Variants in DUSP8 observed in about 807,000 individuals in gnomAD.
DUSP8 encodes dual specificity phosphatase 8, also known as dual specificity protein phosphatase 8.
Under a neutral mutation model 38.7 loss-of-function variants are expected in DUSP8, and 15 were observed. That is an observed-to-expected ratio of 0.39 (90% CI 0.26 to 0.60). The LOEUF is 0.60. Among genes scored for constraint, DUSP8 ranks in the 20% least tolerant of loss-of-function variants. DUSP8 has a pLI of 0.56. For missense variants in DUSP8, 768 were observed against 915.0 expected (o/e 0.84, Z 2.07); for synonymous variants, 458 against 433.9 (o/e 1.06, Z -0.69).
rs909398867 is a variant in DUSP8, at chr11:1,554,598, C to T, written c.*1920G>A. The T allele has an allele frequency of 1.2e-5, 12 of 982,448 alleles. No homozygotes were observed. The African/African-American group carries it at 1.9e-4, about 16-fold the overall frequency. 60.9% of individuals were successfully genotyped at this position (982,448 alleles called of 1,614,324 possible). A position where few individuals can be genotyped will look rare whatever the true frequency, so the allele number is the denominator to read the frequency against. The stretch of plus-strand genomic sequence containing the variant: ...GGGAGCAGAGACAGACTGAGACAGA[C>T]AGCCCCCCTCAACGGCCTGCAGAAG... On this transcript the variant is annotated 3_prime_UTR_variant, in exon 7 of 7. Transcript: ENST00000397374.
rs1220827471 is a variant in DUSP8, at chr11:1,554,236, A to C, written c.*2282T>G. 1 of 152,440 alleles carries C rather than the reference A, an allele frequency of 6.6e-6. No homozygotes were observed. The highest frequency in any genetic ancestry group is 1.5e-5 in the Non-Finnish European group (1 of 68,170). 9.4% of individuals were successfully genotyped at this position (152,440 alleles called of 1,614,324 possible). Reference sequence around the variant, plus strand: ...CCTCTCCTCCGCTGGACTTCCCAGCAAATAACAGGAGGGGCCGGGTCCATT... The same window carrying C: ...CCTCTCCTCCGCTGGACTTCCCAGCCAATAACAGGAGGGGCCGGGTCCATT... On this transcript the variant is annotated 3_prime_UTR_variant, in exon 7 of 7. Transcript: ENST00000397374.
At chr11:1,569,682 C>T (rs1452514222) in intron 1 of DUSP8, among the ~76,000 whole-genome samples, 2 of 152,122 alleles carry the variant, frequency 1.3e-5, no homozygotes, top group African/African-American at 2.4e-5. Flanking sequence ...CCAGGCCACC[C>T]CCAGCTCTCA....
intron 2 of DUSP8, 150 bp downstream of exon 2, chr11:1,565,446 A>T (rs1848786434): frequency 1.5e-6 from 1 of 663,900 alleles, no homozygotes; most frequent in Non-Finnish European, 2.6e-6. Context: ...GGCAAGTGCC[A>T]GGGAGGACTG....
chr11:1,559,919 T>G (rs1414494038), intron 3 of DUSP8, among the ~76,000 whole-genome samples: 1 of 152,188 alleles, frequency 6.6e-6, no homozygotes, highest in African/African-American at 2.4e-5. Flanking sequence ...GTGCACACCA[T>G]GGCTCTGGTC....
intron 3 of DUSP8, among the ~76,000 whole-genome samples, chr11:1,560,634 G>A (rs1324421592): frequency 2.0e-5 from 3 of 152,224 alleles, no homozygotes; most frequent in South Asian, 4.1e-4. Context: ...CACCAACGAC[G>A]CCCCAGCTTG....
In DUSP8 at chr11:1,557,425, G is replaced by A. The variant is rs1261771247; in HGVS notation, c.971C>T (p.Ala324Val). Residue 324 changes from alanine (A) to valine (V), a missense_variant, in exon 7 of 7, where the codon GCC (alanine) becomes GTC (valine). This residue lies in a region of DUSP8 where 474 missense variants were observed against 430.8 expected (regional missense o/e 1.10). Coordinates refer to ENST00000397374, the MANE Select transcript of DUSP8 (RefSeq NM_004420.3). This position sits in a 1 kb window ranked among gnomAD's most constrained non-coding sequence, Gnocchi z 9.9. ...CAGCCGTGGCAGCGGGGCCCCGGCGGCAGGACTGGGCGGAGGCTCCGGCGT... is the reference window on the plus strand; with the variant it reads ...CAGCCGTGGCAGCGGGGCCCCGGCGACAGGACTGGGCGGAGGCTCCGGCGT... ...SGTPEPPPSP[A>V]AGAPLPRLPP... The A allele has an allele frequency of 6.4e-7, 1 of 1,559,952 alleles. No individual in the cohort carries two copies. Among genetic ancestry groups the A allele is most frequent in the East Asian group, 2.4e-5 (1 of 42,234 alleles).
chr11:1,555,054 G>C lies in DUSP8; in HGVS notation c.*1464C>G. On this transcript the variant is annotated 3_prime_UTR_variant, in exon 7 of 7. Transcript: ENST00000397374. ...GCCCTGCTCCAGGACTCAGGACTGG[G>C]TCCTGCCCTGGGCTGCCTCTCCGGC... The C allele has an allele frequency of 1.0e-6, 1 of 986,450 alleles. No homozygotes were observed. Among genetic ancestry groups the C allele is most frequent in the Non-Finnish European group, 1.2e-6 (1 of 830,086 alleles). 61.1% of individuals were successfully genotyped at this position (986,450 alleles called of 1,614,324 possible).
Position 1,557,597 on chromosome 11 carries a change from C to T in DUSP8, c.822-23G>A. On this transcript the variant is annotated intron_variant, in intron 6 of 6. Transcript: ENST00000397374. The surrounding 1 kb of genome is among the most constrained non-coding windows in gnomAD (Gnocchi z 9.9). ...AACCTGCGGGGGAGGAGGCTCAGTC[C>T]CAGGCGCCCGCCGGGGCCAGGCTGC... 6.6e-7 allele frequency: 1 copy of T among 1,509,026 alleles called. No individual in the cohort carries two copies. The highest frequency in any genetic ancestry group is 8.8e-7 in the Non-Finnish European group (1 of 1,135,310). The allele number at this position is 1,509,026 out of a possible 1,614,324, so 93.5% of individuals were successfully genotyped here.
At position 1,557,755 on chromosome 11, in the gene DUSP8, C is replaced by T. The variant is rs1258325818; in HGVS notation, c.821+39G>A. 17 of 1,610,684 alleles carry T rather than the reference C, an allele frequency of 1.1e-5. No individual in the cohort carries two copies. Among genetic ancestry groups the T allele is most frequent in the Admixed American group, 1.7e-5 (1 of 59,946 alleles). Reference sequence around the variant, plus strand: ...TGGGCAGCCGGGGGAAGGGAAGCGACGCTGTGAGCCACAAGTGCGCGACTG... The same window carrying T: ...TGGGCAGCCGGGGGAAGGGAAGCGATGCTGTGAGCCACAAGTGCGCGACTG... On this transcript the variant is annotated intron_variant, in intron 6 of 6. Coordinates refer to ENST00000397374, the MANE Select transcript of DUSP8 (RefSeq NM_004420.3). This position sits in a 1 kb window ranked among gnomAD's most constrained non-coding sequence, Gnocchi z 9.9.
Position 1,557,647 on chromosome 11 carries a change from C to A in DUSP8, c.822-73G>T. 6.6e-7 allele frequency: 1 copy of A among 1,525,562 alleles called. No homozygotes were observed. Among genetic ancestry groups the A allele is most frequent in the Non-Finnish European group, 8.8e-7 (1 of 1,137,788 alleles). 94.5% of individuals were successfully genotyped at this position (1,525,562 alleles called of 1,614,324 possible). On this transcript the variant is annotated intron_variant, in intron 6 of 6. Transcript: ENST00000397374. This position sits in a 1 kb window ranked among gnomAD's most constrained non-coding sequence, Gnocchi z 9.9. ...CCCACCTGACGCACCCGCTGGGCAC[C>A]CACGAGCTCATGTGCGCCAGGCTGG...
At position 1,556,766 on chromosome 11, in the gene DUSP8, G is replaced by A. The variant is rs1218723399; in HGVS notation, c.1630C>T (p.Arg544Trp). 2.5e-6 allele frequency: 3 copies of A among 1,195,170 alleles called. No individual in the cohort carries two copies. The highest frequency in any genetic ancestry group is 3.1e-6 in the Non-Finnish European group (3 of 964,786). 74.0% of individuals were successfully genotyped at this position (1,195,170 alleles called of 1,614,324 possible). ...CCGCCTGGTCCCGGGGCGCCCGCCC[G>A]GCCGAAGGGCGCAAACAGCACCCCG... ...AGGVLFAPFG[R>W]AGAPGPGGGS... Residue 544 changes from arginine (R) to tryptophan (W), a missense_variant, in exon 7 of 7, where the codon CGG becomes TGG. Transcript: ENST00000397374. The surrounding 1 kb of genome is among the most constrained non-coding windows in gnomAD (Gnocchi z 5.2).
At position 1,558,900 on chromosome 11, in the gene DUSP8, C is replaced by T. The variant is rs1848676084; in HGVS notation, c.526G>A (p.Val176Ile). The change falls in exon 4 of 7, where the codon GTC (valine) becomes ATC (isoleucine). Residue 176 changes from valine to isoleucine, a missense_variant. This residue lies in a region of DUSP8 where 252 missense variants were observed against 410.4 expected (regional missense o/e 0.61). Transcript: ENST00000397374. The surrounding 1 kb of genome is among the most constrained non-coding windows in gnomAD (Gnocchi z 6.3). ...CACTGCACACACACCTTGTTTAGGACGTCCTTCTGCGAGCCCAGGTAGAGG... is the reference window on the plus strand; with the variant it reads ...CACTGCACACACACCTTGTTTAGGATGTCCTTCTGCGAGCCCAGGTAGAGG... ...PHLYLGSQKDVLNKDLMTQNG... is the reference protein window; with the variant it reads ...PHLYLGSQKDILNKDLMTQNG... The T allele has an allele frequency of 1.2e-6, 2 of 1,610,110 alleles. No homozygotes were observed. The highest frequency in any genetic ancestry group is 8.5e-7 in the Non-Finnish European group (1 of 1,177,742).
intron 1 of DUSP8, among the ~76,000 whole-genome samples, chr11:1,568,350 C>G (rs1396557849): frequency 6.6e-6 from 1 of 150,692 alleles, no homozygotes; most frequent in Non-Finnish European, 1.5e-5. Context: ...GAGGGCAAGT[C>G]CAGCTGCAGG....
In DUSP8 at chr11:1,566,610, GGTTTAGTGTGCGCCAC is replaced by G. The variant is rs527237669; in HGVS notation, c.-108-692_-108-677del. Among the ~76,000 whole-genome samples, 32 of 152,340 alleles carry G rather than the reference GGTTTAGTGTGCGCCAC, an allele frequency of 2.1e-4. No individual in the cohort carries two copies. The East Asian group carries it at 6.0e-3, about 28-fold the overall frequency. ...GCTGCCCTCCTGACCTGCAGGCTGA[GGTTTAGTGTGCGCCAC>G]GTGCCTGCTGGGGGTGAGTGCCCAG... On this transcript the variant is annotated intron_variant, in intron 1 of 6. Transcript: ENST00000397374.
In DUSP8 at chr11:1,557,737, C is replaced by T; in HGVS notation, c.821+57G>A. 1 of 1,607,342 alleles carries T rather than the reference C, an allele frequency of 6.2e-7. No homozygotes were observed. Among genetic ancestry groups the T allele is most frequent in the Non-Finnish European group, 8.5e-7 (1 of 1,177,280 alleles). ...GGGTCATTCTGGTGCAAGTGGGCAG[C>T]CGGGGGAAGGGAAGCGACGCTGTGA... On this transcript the variant is annotated intron_variant, in intron 6 of 6. Coordinates refer to ENST00000397374, the MANE Select transcript of DUSP8 (RefSeq NM_004420.3). This position sits in a 1 kb window ranked among gnomAD's most constrained non-coding sequence, Gnocchi z 9.9.
chr11:1,562,691 G>GCACACACATGCA (rs1554938472), intron 3 of DUSP8, among the ~76,000 whole-genome samples: 4 of 150,856 alleles, frequency 2.7e-5, no homozygotes, highest in African/African-American at 7.4e-5. Flanking sequence ...GCATGCACAT[G>GCACACACATGCA]CACACACACA....
intron 1 of DUSP8, 58 bp downstream of exon 1, chr11:1,571,843 C>T (rs918064382): frequency 1.0e-4 from 15 of 147,630 alleles, no homozygotes; most frequent in African/African-American, 3.7e-4. Flanking sequence ...CCCCCCGGCC[C>T]GGGCCGGTGA....
In DUSP8 at chr11:1,557,023, CG is replaced by C; in HGVS notation, c.1372del (p.Arg458GlyfsTer17). 1 of 1,039,688 alleles carries C rather than the reference CG, an allele frequency of 9.6e-7. No homozygotes were observed. The highest frequency in any genetic ancestry group is 1.2e-6 in the Non-Finnish European group (1 of 867,464). The allele number at this position is 1,039,688 out of a possible 1,614,324, so 64.4% of individuals were successfully genotyped here. ...GCGCGCGGGGGAGCCGGCGGGGGGC[CG>C]GGGCCGCCGGCGGGGCCGTGGGCGC... is the stretch of plus-strand genomic sequence containing the variant. The part of the protein sequence containing the change: ...EARPRPRRRP[R>X]PPAGSPARSP... On this transcript the variant is annotated frameshift_variant, in exon 7 of 7. Transcript: ENST00000397374. LOFTEE classifies it high-confidence loss of function. This position sits in a 1 kb window ranked among gnomAD's most constrained non-coding sequence, Gnocchi z 9.9.
intron 3 of DUSP8, among the ~76,000 whole-genome samples, chr11:1,561,484 G>A (rs1214275343): frequency 6.6e-6 from 1 of 152,242 alleles, no homozygotes; most frequent in Non-Finnish European, 1.5e-5. Context: ...AAGGGTCCAA[G>A]GCCGACTGCG....
Sources: allele counts gnomAD v4.1 joint callset (sites outside exome capture counted in the v4.1 genomes callset), GRCh38; gene constraint gnomAD v4.1.1; regional missense constraint gnomAD v4.1.1; non-coding constraint Gnocchi (gnomAD v3.1); transcripts MANE v1.5; gene names NCBI Gene and HGNC (gene_info 2026-07-23, HGNC 2026-07-21).